MAPDA: variants seen among roughly 807,000 people sequenced by gnomAD.
The protein encoded by MAPDA is N6-Methyl-AMP deaminase.
the MAPDA span, chr15:43,340,385 C>G: frequency 6.4e-7 from 1 of 1,564,242 alleles, no homozygotes. Context: ...AATGTACTGT[C>G]CTTTTCCTAT....
At chr15:43,330,721 G>A in the MAPDA span, 1 of 452,518 alleles carries the variant, frequency 2.2e-6, no homozygotes, top group Non-Finnish European at 4.0e-6. Context: ...GGAATGTCGT[G>A]AGTTCCATTT....
chr15:43,338,734 G>A, the MAPDA span, among the ~76,000 whole-genome samples: 10 of 152,228 alleles, frequency 6.6e-5, no homozygotes, highest in African/African-American at 2.4e-4. Context: ...GCACATCACA[G>A]AAAGGGCTAA....
At chr15:43,346,430 A>G in the MAPDA span, among the ~76,000 whole-genome samples, 2 of 152,212 alleles carry the variant, frequency 1.3e-5, no homozygotes, top group Admixed American at 1.3e-4. Context: ...GGGCTGCCCC[A>G]TGCATTGTAG....
At chr15:43,343,029 G>A in the MAPDA span, 1 of 1,591,074 alleles carries the variant, frequency 6.3e-7, no homozygotes, top group South Asian at 1.2e-5. Flanking sequence ...ATCTATACTT[G>A]AAGGTATAAA....
chr15:43,332,713 G>C, the MAPDA span, among the ~76,000 whole-genome samples: 1 of 152,188 alleles, frequency 6.6e-6, no homozygotes, highest in African/African-American at 2.4e-5. Context: ...CTCATGGTAA[G>C]TGCATAATAA....
the MAPDA span, among the ~76,000 whole-genome samples, chr15:43,335,411 G>A: frequency 6.6e-6 from 1 of 152,138 alleles, no homozygotes; most frequent in Non-Finnish European, 1.5e-5. Context: ...TGGCATGCCT[G>A]TAGTCCCAGC....
the MAPDA span, chr15:43,335,213 A>G: frequency 6.3e-7 from 1 of 1,595,464 alleles, no homozygotes; most frequent in African/African-American, 1.3e-5. Flanking sequence ...TGCTAATTAT[A>G]ATGACTTTGA....
chr15:43,340,280 A>G, the MAPDA span: 17 of 1,614,008 alleles, frequency 1.1e-5, no homozygotes, highest in Non-Finnish European at 1.4e-5. Flanking sequence ...AAAAGATGTC[A>G]TAAAAGAATT....
the MAPDA span, chr15:43,335,275 C>A: frequency 1.6e-6 from 2 of 1,221,804 alleles, no homozygotes; most frequent in Non-Finnish European, 2.4e-6. Flanking sequence ...TGGCTCATGC[C>A]TGAAATTCTG....
chr15:43,350,798 C>T, the MAPDA span: 78 of 680,700 alleles, frequency 1.1e-4, no homozygotes, highest in Non-Finnish European at 1.5e-4. Context: ...AATTTTCACA[C>T]GTAAGGAAAG....
At chr15:43,331,901 T>C in the MAPDA span, 1 of 152,170 alleles carries the variant, frequency 6.6e-6, no homozygotes, top group Admixed American at 6.5e-5. Flanking sequence ...TGTTTTCAGG[T>C]GGAAGCAAAT....
the MAPDA span, among the ~76,000 whole-genome samples, chr15:43,337,494 C>T: frequency 6.6e-6 from 1 of 152,164 alleles, no homozygotes; most frequent in Non-Finnish European, 1.5e-5. Flanking sequence ...TTATCTGAAG[C>T]TCCATGATAC....
the MAPDA span, chr15:43,352,013 A>G: frequency 6.8e-7 from 1 of 1,462,676 alleles, no homozygotes; most frequent in South Asian, 1.4e-5. Flanking sequence ...CCACTTAGTA[A>G]AACAGTCCAC....
chr15:43,339,885 G>A, the MAPDA span, among the ~76,000 whole-genome samples: 2 of 152,318 alleles, frequency 1.3e-5, no homozygotes, highest in East Asian at 3.9e-4. Flanking sequence ...ATTTCTGTAT[G>A]TGCATTTCCT....
At chr15:43,335,051 A>G in the MAPDA span, 1 of 1,539,538 alleles carries the variant, frequency 6.5e-7, no homozygotes, top group East Asian at 2.3e-5. Context: ...ACTGAAATAC[A>G]TCATATTGCT....
the MAPDA span, among the ~76,000 whole-genome samples, chr15:43,348,202 G>A: frequency 2.0e-5 from 3 of 152,152 alleles, no homozygotes; most frequent in African/African-American, 7.2e-5. Flanking sequence ...TGGTGATTGT[G>A]GTATGTACAT....
chr15:43,332,589 A>AG, the MAPDA span, among the ~76,000 whole-genome samples: 58 of 152,102 alleles, frequency 3.8e-4, no homozygotes, highest in Non-Finnish European at 7.9e-4. Flanking sequence ...CCGGGGGAGG[A>AG]GGGGCCATTG....
At chr15:43,341,922 T>C in the MAPDA span, among the ~76,000 whole-genome samples, 1 of 151,980 alleles carries the variant, frequency 6.6e-6, no homozygotes. Context: ...CACTGCAACC[T>C]CCGCCTCCAA....
At chr15:43,337,698 G>A in the MAPDA span, among the ~76,000 whole-genome samples, 3 of 152,174 alleles carry the variant, frequency 2.0e-5, no homozygotes, top group Non-Finnish European at 4.4e-5. Context: ...TTTCCTCTTT[G>A]GTAAAGACTG....
Sources: allele counts gnomAD v4.1 joint callset (sites outside exome capture counted in the v4.1 genomes callset), GRCh38; gene constraint gnomAD v4.1.1; transcripts MANE v1.5; gene names NCBI Gene and HGNC (gene_info 2026-07-23, HGNC 2026-07-21).